The following PTS variants were observed in gnomAD, a reference collection of about 807,000 sequenced individuals.
The protein encoded by PTS is 6-pyruvoyltetrahydropterin synthase.
Under a neutral mutation model 20.6 loss-of-function variants are expected in PTS, and 23 were observed. The observed-to-expected ratio is 1.12, with a 90% confidence interval of 0.80 to 1.58. The LOEUF (loss-of-function observed/expected upper bound fraction) is 1.58. Among genes scored for constraint, PTS ranks in the 40% most tolerant of loss-of-function variants. The pLI, the probability that PTS is intolerant of heterozygous loss-of-function variation, is 0.00. For synonymous variants in PTS, 65 were observed against 62.5 expected, an observed-to-expected ratio of 1.04 and a Z score of -0.19; for missense variants, 186 against 182.4, an observed-to-expected ratio of 1.02 and a Z score of -0.11.
rs116259285 is a variant in PTS, at chr11:112,228,794, A to G, written c.163+121A>G. On this transcript the variant is annotated intron_variant, in intron 2 of 5. Transcript: ENST00000280362. ...GTGTGAATGCTTTGAGCCTTGAATG[A>G]GAAATTAAATGGGAGTTCAGAATGA... The G allele has an allele frequency of 1.8e-3, 1,606 of 912,778 alleles. 21 individuals carry two copies. In the African/African-American group the frequency reaches 0.023, roughly 13 times the overall value. 56.5% of individuals were successfully genotyped at this position (912,778 alleles called of 1,614,324 possible).
chr11:112,230,544 CA>C (rs1422651357), intron 3 of PTS, 81 bp from the exon 4 acceptor site: 1 of 1,238,880 alleles, frequency 8.1e-7, no homozygotes, highest in African/African-American at 1.5e-5. Context: ...AGTCTCTGCA[CA>C]TTGTACTGCC....
Position 112,233,642 on chromosome 11 carries a change from C to A in PTS, c.*87C>A, listed in dbSNP as rs1035370649. 2 of 1,589,432 alleles carry A rather than the reference C, an allele frequency of 1.3e-6. No homozygotes were observed. The highest frequency in any genetic ancestry group is 1.3e-5 in the African/African-American group (1 of 74,582). On this transcript the variant is annotated 3_prime_UTR_variant, in exon 6 of 6. Coordinates refer to ENST00000280362, the MANE Select transcript of PTS (RefSeq NM_000317.3). ...CCCTTGGAATATTAAGAGGTCAACA[C>A]GTGATTGTTGTACGTACACATTGTG...
intron 4 of PTS, 48 bp from the exon 5 acceptor site, chr11:112,233,115 T>C: frequency 1.3e-6 from 2 of 1,544,488 alleles, no homozygotes; most frequent in Non-Finnish European, 1.8e-6. Context: ...ATTTGGAATT[T>C]GAGTCGTAAA....
intron 1 of PTS, among the ~76,000 whole-genome samples, chr11:112,226,962 C>T (rs1397811015): frequency 6.7e-6 from 1 of 150,016 alleles, no homozygotes; most frequent in East Asian, 1.9e-4. Context: ...ATGCCAGGAG[C>T]ATTGGCCACC....
chr11:112,227,549 C>T (rs1244539792), intron 1 of PTS, among the ~76,000 whole-genome samples: 1 of 152,116 alleles, frequency 6.6e-6, no homozygotes, highest in African/African-American at 2.4e-5. Context: ...AGAAGCATGG[C>T]ACCAGCATCT....
At chr11:112,226,862 G>C (rs1163425529) in intron 1 of PTS, among the ~76,000 whole-genome samples, 2 of 151,714 alleles carry the variant, frequency 1.3e-5, no homozygotes, top group Non-Finnish European at 2.9e-5. Flanking sequence ...AGACCACAGG[G>C]TTGCTGTGAA....
chr11:112,230,045 CTAAAA>C, intron 2 of PTS, 158 bp from the exon 3 acceptor site: 1 of 728,784 alleles, frequency 1.4e-6, no homozygotes, highest in Admixed American at 2.4e-5. Context: ...AAAATCTTAA[CTAAAA>C]TAACAGATGT....
At chr11:112,226,586 G>T in intron 1 of PTS, 60 bp downstream of exon 1, 1 of 1,430,362 alleles carries the variant, frequency 7.0e-7, no homozygotes, top group East Asian at 3.0e-5. Flanking sequence ...GAACGTCACC[G>T]GGGCGGGGCC....
rs1438192048 is a variant in PTS, at chr11:112,233,501, TA to T, written c.387del (p.Val130Ter). 6.2e-7 allele frequency: 1 copy of T among 1,613,712 alleles called. No individual in the cohort carries two copies. On this transcript the variant is annotated frameshift_variant, in exon 6 of 6. Transcript: ENST00000280362. LOFTEE classifies it high-confidence loss of function. ...QKVLPVGVLY[K>X]VKVYETDNNI... is the part of the protein sequence containing the mutation. The stretch of plus-strand genomic sequence containing the variant: ...AAGTTCTTCCTGTAGGAGTTCTTTA[TA>T]AAGTAAAAGTATACGAAACTGACAA...
intron 1 of PTS, chr11:112,228,287 G>T (rs1197106511): frequency 4.9e-6 from 2 of 404,812 alleles, no homozygotes; most frequent in Non-Finnish European, 8.9e-6. Context: ...TAGGCACTCA[G>T]TAATGTTGAA....
Position 112,233,174 on chromosome 11 carries a change from G to A in PTS, c.255G>A (p.Met85Ile), listed in dbSNP as rs1859963719. 1 of 1,613,952 alleles carries A rather than the reference G, an allele frequency of 6.2e-7. No individual in the cohort carries two copies. Among genetic ancestry groups the A allele is most frequent in the Non-Finnish European group, 8.5e-7 (1 of 1,179,850 alleles). ...GGTTTTGTCTCTAGGAGGCGATTAT[G>A]CAGCCCCTTGATCATAAGAATCTGG... ...DLKKYMEEAI[M>I]QPLDHKNLDM... Residue 85 changes from methionine to isoleucine, a missense_variant, in exon 5 of 6, where the codon ATG becomes ATA. Transcript: ENST00000280362.
chr11:112,230,324 G>A (rs1018150529), intron 3 of PTS, 94 bp downstream of exon 3: 3 of 1,437,110 alleles, frequency 2.1e-6, no homozygotes, highest in Middle Eastern at 3.5e-4. Flanking sequence ...GTTCCAGTCA[G>A]TATTGCTTCA....
chr11:112,230,792 A>G (rs748403007), intron 4 of PTS, 110 bp downstream of exon 4: 1 of 957,914 alleles, frequency 1.0e-6, no homozygotes, highest in South Asian at 1.3e-5. Context: ...GACTTTGTGA[A>G]TAGAACTGGA....
rs745409003 is a variant in PTS, at chr11:112,233,513, A to G, written c.396A>G (p.Val132=). Residue 132 remains valine (V), a synonymous_variant, in exon 6 of 6, where the codon GTA becomes GTG. Transcript: ENST00000280362. The stretch of plus-strand genomic sequence containing the variant: ...TAGGAGTTCTTTATAAAGTAAAAGT[A>G]TACGAAACTGACAATAATATTGTGG... ...LPVGVLYKVK[V]YETDNNIVVY... The G allele has an allele frequency of 1.9e-6, 3 of 1,613,616 alleles. No individual in the cohort carries two copies. The highest frequency in any genetic ancestry group is 2.5e-6 in the Non-Finnish European group (3 of 1,179,812).
chr11:112,233,629 T>G lies in PTS; in HGVS notation c.*74T>G. The G allele has an allele frequency of 6.2e-7, 1 of 1,603,060 alleles. No individual in the cohort carries two copies. Among genetic ancestry groups the G allele is most frequent in the South Asian group, 1.1e-5 (1 of 89,558 alleles). On this transcript the variant is annotated 3_prime_UTR_variant, in exon 6 of 6. Transcript: ENST00000280362. ...AAAGATTTTGATCCCCTTGGAATAT[T>G]AAGAGGTCAACACGTGATTGTTGTA...
intron 4 of PTS, 115 bp downstream of exon 4, chr11:112,230,797 A>G: frequency 1.1e-6 from 1 of 944,736 alleles, no homozygotes; most frequent in Non-Finnish European, 1.7e-6. Flanking sequence ...TGTGAATAGA[A>G]CTGGATGTGG....
At chr11:112,231,029 TTTTTTTA>T (rs1859923881) in intron 4 of PTS, among the ~76,000 whole-genome samples, 1 of 151,378 alleles carries the variant, frequency 6.6e-6, no homozygotes. Flanking sequence ...TTTTTTTTTT[TTTTTTTA>T]AATAGGCACA....
intron 4 of PTS, 98 bp downstream of exon 4, chr11:112,230,780 A>G (rs548383266): frequency 9.1e-6 from 10 of 1,095,986 alleles, no homozygotes; most frequent in South Asian, 2.5e-5. Flanking sequence ...CTAAGGTTCC[A>G]TGACTTTGTG....
At chr11:112,232,694 A>G (rs1289105133) in intron 4 of PTS, among the ~76,000 whole-genome samples, 3 of 152,202 alleles carry the variant, frequency 2.0e-5, no homozygotes, top group Non-Finnish European at 2.9e-5. Context: ...ATTATTCCTC[A>G]TAGCAAAAAT....
Sources: gnomAD v4.1 joint callset for allele counts (sites outside exome capture counted in the v4.1 genomes callset) on GRCh38, gnomAD v4.1.1 for gene constraint, MANE v1.5 for transcripts, NCBI Gene and HGNC (gene_info 2026-07-23, HGNC 2026-07-21) for gene names.